ZNF536: variants seen among roughly 807,000 people sequenced by gnomAD.
ZNF536 encodes zinc finger protein 536.
ZNF536 carries 13 observed loss-of-function variants against 84.5 expected under a neutral mutation model. The ratio of observed to expected loss-of-function variants is 0.15; its 90% confidence interval spans 0.10 to 0.24. The LOEUF (loss-of-function observed/expected upper bound fraction) is 0.24, where lower values mean the gene tolerates loss of function less well. ZNF536 is among the 10% of genes least tolerant of loss of function. The pLI, the probability that ZNF536 is intolerant of heterozygous loss-of-function variation, is 1.00. For synonymous variants in ZNF536, 811 were observed against 742.5 expected (o/e 1.09, Z -1.50); for missense variants, 1,536 against 1,747.5 (o/e 0.88, Z 2.16).
At position 30,275,438 on chromosome 19, in the gene ZNF536, G is replaced by A. The variant is rs78465887; in HGVS notation, c.-189-8634G>A. ...CGTGCTCCTGAGGATACGGCCATGG[G>A]GGCCACTGGCTGTGTCTGACCGGCG... is the stretch of plus-strand genomic sequence containing the variant. On this transcript the variant is annotated intron_variant, in intron 1 of 5. Coordinates refer to the ZNF536 transcript ENST00000585628. 6.7e-3 allele frequency among the ~76,000 whole-genome samples: 1,027 copies of A among 152,278 alleles called. 18 individuals are homozygous for A. Among genetic ancestry groups the A allele is most frequent in the African/African-American group, 0.023 (941 of 41,552 alleles).
chr19:30,441,073 C>A (rs980615462), intron 1 of ZNF536, among the ~76,000 whole-genome samples: 1 of 152,214 alleles, frequency 6.6e-6, no homozygotes, highest in African/African-American at 2.4e-5. Flanking sequence ...CAACTCCATG[C>A]CCCTCATCCA....
intron 1 of ZNF536, among the ~76,000 whole-genome samples, chr19:30,272,298 C>T (rs1158585051): frequency 5.3e-5 from 8 of 152,114 alleles, no homozygotes; most frequent in African/African-American, 1.4e-4. Flanking sequence ...GAAAGTACAG[C>T]GTTACCATGT....
intron 1 of ZNF536, among the ~76,000 whole-genome samples, chr19:30,691,948 C>T (rs1464912460): frequency 1.3e-5 from 2 of 152,190 alleles, no homozygotes; most frequent in Non-Finnish European, 2.9e-5. Flanking sequence ...TGCCTGCAGC[C>T]TCTGCCCGGG....
intron 2 of ZNF536, among the ~76,000 whole-genome samples, chr19:30,344,166 A>G (rs1046101911): frequency 1.9e-4 from 29 of 151,662 alleles, no homozygotes; most frequent in African/African-American, 6.8e-4. Context: ...AAGGACAGCC[A>G]GTGGCCCACA....
chr19:30,239,627 G>A (rs1012917446), intron 1 of ZNF536, among the ~76,000 whole-genome samples: 59 of 152,320 alleles, frequency 3.9e-4, no homozygotes, highest in Middle Eastern at 3.4e-3. Flanking sequence ...CTGAGCATGG[G>A]AATTATTTTG....
intron 2 of ZNF536, among the ~76,000 whole-genome samples, chr19:30,304,436 G>T (rs939678327): frequency 2.6e-5 from 4 of 152,170 alleles, no homozygotes; most frequent in Admixed American, 2.0e-4. Context: ...CCATTCTCCT[G>T]CAAGGAAAGC....
At chr19:30,695,052 T>C (rs1157045988) in intron 1 of ZNF536, among the ~76,000 whole-genome samples, 2 of 152,158 alleles carry the variant, frequency 1.3e-5, no homozygotes, top group Non-Finnish European at 2.9e-5. Flanking sequence ...GAGCGTAGTA[T>C]TAATAGCTGA....
chr19:30,503,638 C>T (rs2055039714), intron 2 of ZNF536, among the ~76,000 whole-genome samples: 1 of 152,214 alleles, frequency 6.6e-6, no homozygotes, highest in Non-Finnish European at 1.5e-5. Context: ...AAGAGTGCCT[C>T]ATCATCCCCT....
intron 2 of ZNF536, among the ~76,000 whole-genome samples, chr19:30,338,476 G>A (rs781178535): frequency 7.4e-6 from 1 of 134,850 alleles, no homozygotes; most frequent in Non-Finnish European, 1.6e-5. Flanking sequence ...TGATGACAAT[G>A]ATGATAGTGA....
intron 1 of ZNF536, among the ~76,000 whole-genome samples, chr19:30,245,133 C>T (rs991445746): frequency 6.6e-6 from 1 of 152,188 alleles, no homozygotes; most frequent in Non-Finnish European, 1.5e-5. Context: ...GGCCATAGCA[C>T]ACCTGTTTCC....
intron 2 of ZNF536, among the ~76,000 whole-genome samples, chr19:30,529,253 A>G (rs1416683026): frequency 6.6e-6 from 1 of 152,212 alleles, no homozygotes; most frequent in Non-Finnish European, 1.5e-5. Context: ...CATATTATAT[A>G]TAAATAAGGT....
chr19:30,475,943 C>T (rs2053828101), intron 2 of ZNF536, among the ~76,000 whole-genome samples: 1 of 152,196 alleles, frequency 6.6e-6, no homozygotes. Context: ...GAACTTGTCA[C>T]TGTAGAGTGA....
intron 1 of ZNF536, among the ~76,000 whole-genome samples, chr19:30,595,652 C>G (rs992563781): frequency 1.3e-5 from 2 of 152,160 alleles, no homozygotes; most frequent in African/African-American, 2.4e-5. Flanking sequence ...CAAACCACCA[C>G]CTGCTTTCTC....
chr19:30,337,109 T>C (rs2047405700), intron 2 of ZNF536, among the ~76,000 whole-genome samples: 1 of 152,234 alleles, frequency 6.6e-6, no homozygotes, highest in Non-Finnish European at 1.5e-5. Context: ...TCCTTTCTGA[T>C]TCTCCTTTAC....
chr19:30,443,814 G>C lies in ZNF536; in HGVS notation c.252G>C (p.Leu84=), dbSNP rs774087877. The change falls in exon 2 of 5, where the codon CTG becomes CTC. Residue 84 remains leucine (L), a synonymous_variant. Coordinates refer to ENST00000355537, the MANE Select transcript of ZNF536 (RefSeq NM_014717.3). ...CCATGGGCAGTCAGATGGCGCTCCT[G>C]GCCAACCAGCTGGGCCGGGAGGTGG... The part of the protein sequence containing the change: ...GQPMGSQMAL[L]ANQLGREVDT... The C allele has an allele frequency of 1.2e-6, 2 of 1,613,242 alleles. No individual in the cohort carries two copies. The highest frequency in any genetic ancestry group is 1.7e-6 in the Non-Finnish European group (2 of 1,179,860).
chr19:30,276,279 G>T (rs1004583676), intron 1 of ZNF536, among the ~76,000 whole-genome samples: 2 of 152,158 alleles, frequency 1.3e-5, no homozygotes, highest in Non-Finnish European at 2.9e-5. Context: ...TTTATCTTTT[G>T]CCAGCAAGCA....
At chr19:30,581,666 A>C (rs2046925381) in intron 1 of ZNF536, among the ~76,000 whole-genome samples, 1 of 151,940 alleles carries the variant, frequency 6.6e-6, no homozygotes, top group Non-Finnish European at 1.5e-5. Context: ...GGGCCAGCGC[A>C]ATGGCTCACC....
At chr19:30,463,836 G>T (rs1160841600) in intron 2 of ZNF536, among the ~76,000 whole-genome samples, 1 of 152,124 alleles carries the variant, frequency 6.6e-6, no homozygotes, top group African/African-American at 2.4e-5. Flanking sequence ...TGGGGTGCAG[G>T]CATGGTGGTG....
At chr19:30,250,502 C>A (rs1051284792) in intron 1 of ZNF536, among the ~76,000 whole-genome samples, 1 of 152,130 alleles carries the variant, frequency 6.6e-6, no homozygotes, top group African/African-American at 2.4e-5. Flanking sequence ...GGCTGTCTGC[C>A]CTTTTGCTGA....
Sources: gnomAD v4.1 joint callset for allele counts (sites outside exome capture counted in the v4.1 genomes callset) on GRCh38, gnomAD v4.1.1 for gene constraint, MANE v1.5 for transcripts, NCBI Gene and HGNC (gene_info 2026-07-23, HGNC 2026-07-21) for gene names.